CPAP: variants seen among roughly 807,000 people sequenced by gnomAD.
The protein encoded by CPAP is centrosomal P4.1-associated protein.
chr13:24,910,101 A>G, the CPAP span: 1 of 1,609,584 alleles, frequency 6.2e-7, no homozygotes. Flanking sequence ...CAATTAAGAA[A>G]TGCAACAAAG....
the CPAP span, chr13:24,899,652 G>T: frequency 1.6e-6 from 2 of 1,251,000 alleles, no homozygotes; most frequent in Non-Finnish European, 2.3e-6. Flanking sequence ...AGAACCTGCT[G>T]ACAGGCTAGT....
the CPAP span, among the ~76,000 whole-genome samples, chr13:24,895,811 C>T: frequency 1.3e-5 from 2 of 152,130 alleles, no homozygotes; most frequent in African/African-American, 4.8e-5. Flanking sequence ...AAAGCTATGA[C>T]TCAGTAATGA....
the CPAP span, chr13:24,892,512 A>T: frequency 1.4e-6 from 1 of 738,406 alleles, no homozygotes. Flanking sequence ...AACTGTCCAC[A>T]TTCACAGTCA....
the CPAP span, chr13:24,905,321 C>A: frequency 2.1e-4 from 339 of 1,600,864 alleles, no homozygotes; most frequent in Admixed American, 1.5e-3. Flanking sequence ...CATTCTGATA[C>A]ATATTTTATA....
chr13:24,926,904 A>G, the CPAP span, among the ~76,000 whole-genome samples: 1,137 of 152,326 alleles, frequency 7.5e-3, 13 homozygotes, highest in African/African-American at 0.025. Context: ...CAACTTCCTT[A>G]TGATCCCATG....
At chr13:24,914,662 T>A in the CPAP span, among the ~76,000 whole-genome samples, 1 of 152,120 alleles carries the variant, frequency 6.6e-6, no homozygotes, top group Non-Finnish European at 1.5e-5. Flanking sequence ...AAAAGCAATT[T>A]TACTTGGGAG....
the CPAP span, chr13:24,885,467 G>GTGTT: frequency 5.8e-6 from 7 of 1,197,214 alleles, no homozygotes; most frequent in African/African-American, 6.0e-5. Context: ...TCTAGGACTA[G>GTGTT]TGTTTACAAA....
chr13:24,884,505 G>A, the CPAP span: 1 of 1,606,428 alleles, frequency 6.2e-7, no homozygotes, highest in Non-Finnish European at 8.5e-7. Context: ...ATTTTCTCCT[G>A]ACGAAAGTAT....
the CPAP span, chr13:24,906,082 T>C: frequency 6.2e-7 from 1 of 1,613,274 alleles, no homozygotes; most frequent in Non-Finnish European, 8.5e-7. Flanking sequence ...TGGGTGCGAC[T>C]TCACACTCAC....
the CPAP span, chr13:24,905,221 C>T: frequency 2.3e-6 from 2 of 874,498 alleles, no homozygotes; most frequent in African/African-American, 1.7e-5. Context: ...TTACAAATCA[C>T]CCATTAATTT....
At chr13:24,883,351 T>A in the CPAP span, 9 of 1,608,498 alleles carry the variant, frequency 5.6e-6, no homozygotes, top group African/African-American at 1.2e-4. Flanking sequence ...TATTAAACTC[T>A]ATGAGTTTGT....
the CPAP span, chr13:24,913,147 CA>C: frequency 2.5e-6 from 2 of 798,090 alleles, no homozygotes; most frequent in Non-Finnish European, 2.0e-6. Context: ...GATGTCCTAC[CA>C]AAAATGAGCC....
chr13:24,886,229 C>T, the CPAP span: 1 of 1,009,474 alleles, frequency 9.9e-7, no homozygotes, highest in Admixed American at 2.3e-5. Context: ...ATTGTAAACA[C>T]TCAACTTGGA....
chr13:24,920,619 C>CTTTTTT, the CPAP span, among the ~76,000 whole-genome samples: 8 of 125,266 alleles, frequency 6.4e-5, no homozygotes, highest in East Asian at 2.4e-4. Context: ...AATATGATTC[C>CTTTTTT]TTTTTTTTTT....
At chr13:24,900,484 A>C in the CPAP span, among the ~76,000 whole-genome samples, 2 of 152,208 alleles carry the variant, frequency 1.3e-5, no homozygotes, top group Non-Finnish European at 2.9e-5. Flanking sequence ...TCCCGTCTTT[A>C]CTGAAAATAC....
the CPAP span, chr13:24,885,893 T>TG: frequency 3.7e-6 from 2 of 546,990 alleles, no homozygotes; most frequent in South Asian, 4.3e-5. Flanking sequence ...TTTACAATCC[T>TG]GGGGAAGAGA....
the CPAP span, among the ~76,000 whole-genome samples, chr13:24,890,219 G>A: frequency 6.6e-6 from 1 of 152,152 alleles, no homozygotes; most frequent in Admixed American, 6.5e-5. Flanking sequence ...ACATAACTAT[G>A]GCAAAATGTT....
At chr13:24,903,722 C>T in the CPAP span, among the ~76,000 whole-genome samples, 4 of 152,212 alleles carry the variant, frequency 2.6e-5, no homozygotes, top group East Asian at 1.9e-4. Flanking sequence ...GATCTCTCCA[C>T]TAAGAAAAAT....
At chr13:24,910,660 C>T in the CPAP span, among the ~76,000 whole-genome samples, 1 of 152,246 alleles carries the variant, frequency 6.6e-6, no homozygotes, top group Admixed American at 6.5e-5. Context: ...CCAAAGCAAA[C>T]TGCTCCATGA....
Sources: allele counts gnomAD v4.1 joint callset (sites outside exome capture counted in the v4.1 genomes callset), GRCh38; gene constraint gnomAD v4.1.1; transcripts MANE v1.5; gene names NCBI Gene and HGNC (gene_info 2026-07-23, HGNC 2026-07-21).